The following MYO10 variants were observed in gnomAD, a reference collection of about 807,000 sequenced individuals.
MYO10 encodes unconventional myosin-X.
Under a neutral mutation model 257.3 loss-of-function variants are expected in MYO10, and 133 were observed. The ratio of observed to expected loss-of-function variants is 0.52; its 90% CI spans 0.45 to 0.60. The LOEUF (loss-of-function observed/expected upper bound fraction) is 0.60. Among genes scored for constraint, MYO10 ranks in the 20% least tolerant of loss-of-function variants. MYO10 has a pLI of 0.00. For missense variants in MYO10, 2,399 were observed against 2,635.7 expected (o/e 0.91, Z 1.97); for synonymous variants, 1,104 against 1,028.6 (o/e 1.07, Z -1.40).
intron 1 of MYO10, among the ~76,000 whole-genome samples, chr5:16,903,651 T>A (rs1745445824): frequency 6.6e-6 from 1 of 152,052 alleles, no homozygotes; most frequent in East Asian, 1.9e-4. Context: ...GAACAAATAT[T>A]AGAAAATAGT....
intron 19 of MYO10, chr5:16,741,709 G>C: frequency 2.4e-6 from 2 of 833,196 alleles, no homozygotes; most frequent in Non-Finnish European, 2.9e-6. Context: ...AGCAAAATCT[G>C]TTCCCCGTGT....
At chr5:16,818,383 TG>T (rs1742694636) in intron 2 of MYO10, among the ~76,000 whole-genome samples, 1 of 42,932 alleles carries the variant, frequency 2.3e-5, no homozygotes, top group Non-Finnish European at 4.6e-5. Context: ...TGTGTGTGCG[TG>T]TGTGTGTGTG....
intron 4 of MYO10, among the ~76,000 whole-genome samples, chr5:16,785,026 C>A (rs1347970658): frequency 6.6e-6 from 1 of 152,208 alleles, no homozygotes; most frequent in East Asian, 1.9e-4. Context: ...CGACACTGGG[C>A]GGAAATGTCC....
chr5:16,763,403 GT>G (rs1482640296), intron 14 of MYO10, 77 bp downstream of exon 14: 1 of 1,125,188 alleles, frequency 8.9e-7, no homozygotes, highest in African/African-American at 1.5e-5. Context: ...GTTCGTGCAC[GT>G]TATTTTGTTC....
chr5:16,842,214 T>G (rs570574044), intron 2 of MYO10, among the ~76,000 whole-genome samples: 2 of 152,012 alleles, frequency 1.3e-5, no homozygotes, highest in Non-Finnish European at 2.9e-5. Context: ...GTGATGGAGG[T>G]AGAAGTTGTA....
intron 3 of MYO10, among the ~76,000 whole-genome samples, chr5:16,812,544 C>G (rs1379111403): frequency 1.3e-5 from 2 of 152,168 alleles, no homozygotes; most frequent in Non-Finnish European, 2.9e-5. Flanking sequence ...CTTCAGCTAT[C>G]CAAGGCCATG....
chr5:16,699,612 C>T, intron 25 of MYO10, 39 bp from the exon 26 acceptor site: 1 of 1,610,990 alleles, frequency 6.2e-7, no homozygotes, highest in Non-Finnish European at 8.5e-7. Flanking sequence ...AGGGAAAAGG[C>T]CACAAAGCAA....
At chr5:16,915,196 G>T (rs552900728) in intron 1 of MYO10, among the ~76,000 whole-genome samples, 5 of 152,110 alleles carry the variant, frequency 3.3e-5, no homozygotes. Flanking sequence ...GGTATATAGT[G>T]CAAGACAAAA....
At position 16,701,340 on chromosome 5, in the gene MYO10, G is replaced by T. The variant is rs764707789; in HGVS notation, c.3055C>A (p.Arg1019=). The T allele has an allele frequency of 6.2e-7, 1 of 1,613,722 alleles. No individual in the cohort carries two copies. The highest frequency in any genetic ancestry group is 1.3e-5 in the African/African-American group (1 of 74,922). Residue 1019 remains arginine, a synonymous_variant, in exon 25 of 41, where the codon CGA becomes AGA. Coordinates refer to ENST00000513610, the MANE Select transcript of MYO10 (RefSeq NM_012334.3). This position sits in a 1 kb window ranked among gnomAD's most constrained non-coding sequence, Gnocchi z 8.1. ...NPSEHGHSDQ[R]TSGIRTSDDS... Reference sequence around the variant, plus strand: ...TCGCTGGTCCGGATGCCACTTGTTCGCTGGTCTGAGTGGCCGTGCTCGCTG... The same window carrying T: ...TCGCTGGTCCGGATGCCACTTGTTCTCTGGTCTGAGTGGCCGTGCTCGCTG...
At chr5:16,721,847 G>T (rs948519994) in intron 19 of MYO10, among the ~76,000 whole-genome samples, 1 of 152,254 alleles carries the variant, frequency 6.6e-6, no homozygotes, top group South Asian at 2.1e-4. Flanking sequence ...TCTTTCTAAG[G>T]GATAGCTCTG....
chr5:16,820,218 G>A (rs1164671766), intron 2 of MYO10, among the ~76,000 whole-genome samples: 1 of 152,254 alleles, frequency 6.6e-6, no homozygotes, highest in African/African-American at 2.4e-5. Flanking sequence ...TTAGGCCAGA[G>A]TCAAAGCAGC....
intron 2 of MYO10, among the ~76,000 whole-genome samples, chr5:16,818,706 T>A (rs535292245): frequency 6.6e-6 from 1 of 152,100 alleles, no homozygotes; most frequent in South Asian, 2.1e-4. Flanking sequence ...CCAGAAGTGC[T>A]GGGATTACAG....
intron 2 of MYO10, among the ~76,000 whole-genome samples, chr5:16,873,373 G>T (rs1042555695): frequency 1.3e-5 from 2 of 152,214 alleles, no homozygotes; most frequent in Non-Finnish European, 1.5e-5. Context: ...CACCCCTGTG[G>T]CTTTGCAGGG....
chr5:16,720,849 T>C (rs1054027772), intron 19 of MYO10, among the ~76,000 whole-genome samples: 1 of 152,230 alleles, frequency 6.6e-6, no homozygotes, highest in Non-Finnish European at 1.5e-5. Context: ...GAGGGACTCA[T>C]CGCACAGTTC....
chr5:16,816,337 C>CAAAAAAAAA, intron 3 of MYO10, among the ~76,000 whole-genome samples: 1 of 106,334 alleles, frequency 9.4e-6, no homozygotes, highest in Non-Finnish European at 1.9e-5. Context: ...GACTCTGTCT[C>CAAAAAAAAA]AAAAAAAAAA....
intron 19 of MYO10, chr5:16,713,627 T>A: frequency 2.0e-6 from 1 of 502,810 alleles, no homozygotes; most frequent in Non-Finnish European, 2.6e-6. Context: ...CCCTTCCCAG[T>A]AACTTAACCA....
intron 3 of MYO10, among the ~76,000 whole-genome samples, chr5:16,802,392 C>CTCT (rs761158357): frequency 6.6e-6 from 1 of 152,070 alleles, no homozygotes; most frequent in Non-Finnish European, 1.5e-5. Flanking sequence ...GGTGCAGTGG[C>CTCT]TCATGCCTGT....
At chr5:16,875,636 A>G (rs1744579584) in intron 2 of MYO10, among the ~76,000 whole-genome samples, 1 of 152,212 alleles carries the variant, frequency 6.6e-6, no homozygotes, top group South Asian at 2.1e-4. Flanking sequence ...GACTCTCAGA[A>G]GAAAAAGAAA....
intron 2 of MYO10, among the ~76,000 whole-genome samples, chr5:16,831,736 G>A (rs140829001): frequency 2.0e-5 from 3 of 152,120 alleles, no homozygotes; most frequent in African/African-American, 7.2e-5. Flanking sequence ...GGGTGGGAAG[G>A]GGGTGAGGGA....
Sources: gnomAD v4.1 joint callset for allele counts (sites outside exome capture counted in the v4.1 genomes callset) on GRCh38, gnomAD v4.1.1 for gene constraint, Gnocchi (gnomAD v3.1) non-coding constraint, MANE v1.5 for transcripts, NCBI Gene and HGNC (gene_info 2026-07-23, HGNC 2026-07-21) for gene names.